Variants in CALN1 observed in about 807,000 individuals in gnomAD.
CALN1 encodes calneuron 1, also known as calcium-binding protein 8.
Under a neutral mutation model 30.6 loss-of-function variants are expected in CALN1, and 17 were observed. The observed-to-expected ratio is 0.56, with a 90% CI of 0.38 to 0.83. The LOEUF (loss-of-function observed/expected upper bound fraction) is 0.83, where lower values mean the gene tolerates loss of function less well. CALN1 is among the 40% of genes least tolerant of loss of function. The pLI is 0.00. For missense variants in CALN1, 291 were observed against 354.9 expected (o/e 0.82, Z 1.45); for synonymous variants, 156 against 131.4 (o/e 1.19, Z -1.28).
In CALN1 at chr7:71,913,075, C is replaced by T. The variant is rs529923564; in HGVS notation, c.502-102583G>A. On this transcript the variant is annotated intron_variant, in intron 5 of 6. Transcript: ENST00000395275. ...ATGAGCTGCGAGTGTTTATCTACTT[C>T]GTCAACTTTAATAGGAAAAGAACAA... Among the ~76,000 whole-genome samples the T allele has an allele frequency of 6.6e-5, 10 of 152,240 alleles. 1 individual carries two copies. The South Asian group carries it at 1.2e-3, about 19-fold the overall frequency.
chr7:71,999,581 T>C (rs1401225018), intron 5 of CALN1, among the ~76,000 whole-genome samples: 1 of 152,022 alleles, frequency 6.6e-6, no homozygotes, highest in African/African-American at 2.4e-5. Flanking sequence ...TGGCATAATC[T>C]TGGCTCACTT....
At chr7:72,341,478 G>C (rs1242550393) in intron 2 of CALN1, among the ~76,000 whole-genome samples, 1 of 152,194 alleles carries the variant, frequency 6.6e-6, no homozygotes, top group Non-Finnish European at 1.5e-5. Context: ...AGCCGAGATT[G>C]TGCTACTGCA....
intron 3 of CALN1, among the ~76,000 whole-genome samples, chr7:72,165,628 G>T (rs535513644): frequency 6.6e-6 from 1 of 152,084 alleles, no homozygotes; most frequent in African/African-American, 2.4e-5. Context: ...ACAAAGAAAA[G>T]CGAAAATGGG....
intron 5 of CALN1, among the ~76,000 whole-genome samples, chr7:71,824,089 G>C (rs1220179367): frequency 6.6e-6 from 1 of 152,074 alleles, no homozygotes; most frequent in Non-Finnish European, 1.5e-5. Context: ...CATATCATGG[G>C]TGTCTCACTA....
At chr7:72,344,668 ATTT>A (rs1802538663) in intron 2 of CALN1, among the ~76,000 whole-genome samples, 1 of 146,872 alleles carries the variant, frequency 6.8e-6, no homozygotes, top group African/African-American at 2.5e-5. Context: ...ATAAATATAT[ATTT>A]TATTTATGTA....
chr7:71,932,693 T>TCCCAA lies in CALN1; in HGVS notation c.501+90963_501+90964insTTGGG, dbSNP rs1164601892. ...TTAGCTGGGCGTGGTGGCGGGCACC[T>TCCCAA]GTAGTCCAGCTACTCGGGAGGCTGA... On this transcript the variant is annotated intron_variant, in intron 5 of 6. Coordinates refer to ENST00000395275, the MANE Select transcript of CALN1 (RefSeq NM_031468.4). Among the ~76,000 whole-genome samples the TCCCAA allele has an allele frequency of 4.2e-4, 63 of 151,250 alleles. 2 individuals carry two copies. Among genetic ancestry groups the TCCCAA allele is most frequent in the Non-Finnish European group, 1.3e-4 (9 of 67,880 alleles).
intron 5 of CALN1, among the ~76,000 whole-genome samples, chr7:72,008,174 AATGG>A (rs1799878063): frequency 6.6e-6 from 1 of 152,222 alleles, no homozygotes. Flanking sequence ...AGACACAATA[AATGG>A]ATACAATAAA....
chr7:71,849,189 G>A (rs1192852961), intron 5 of CALN1, among the ~76,000 whole-genome samples: 1 of 152,134 alleles, frequency 6.6e-6, no homozygotes, highest in Non-Finnish European at 1.5e-5. Context: ...TGCTGGGTGA[G>A]CATGTAGCTT....
chr7:72,155,811 G>T (rs1223177353), intron 3 of CALN1, among the ~76,000 whole-genome samples: 1 of 152,112 alleles, frequency 6.6e-6, no homozygotes, highest in East Asian at 1.9e-4. Context: ...AAAGCAAGGT[G>T]GTAGCTGGGA....
At chr7:72,364,346 A>C (rs1803753420) in intron 2 of CALN1, among the ~76,000 whole-genome samples, 1 of 152,260 alleles carries the variant, frequency 6.6e-6, no homozygotes, top group African/African-American at 2.4e-5. Flanking sequence ...GGGAAGAACT[A>C]GCTCTACCTG....
intron 6 of CALN1, among the ~76,000 whole-genome samples, chr7:71,793,452 T>G (rs1299098111): frequency 6.6e-6 from 1 of 152,204 alleles, no homozygotes; most frequent in African/African-American, 2.4e-5. Flanking sequence ...ACGAATAGTG[T>G]GGCTAAGCAA....
chr7:72,063,418 G>C (rs1451024970), intron 4 of CALN1, among the ~76,000 whole-genome samples: 1 of 152,148 alleles, frequency 6.6e-6, no homozygotes, highest in Non-Finnish European at 1.5e-5. Context: ...GGACAGCCCT[G>C]GCTTTGCATA....
At chr7:72,024,346 T>C (rs753324088) in intron 4 of CALN1, among the ~76,000 whole-genome samples, 3 of 152,228 alleles carry the variant, frequency 2.0e-5, no homozygotes, top group Non-Finnish European at 4.4e-5. Flanking sequence ...TATGCAGTTC[T>C]GAGTTTAATT....
At chr7:71,963,353 A>G (rs1034185117) in intron 5 of CALN1, among the ~76,000 whole-genome samples, 18 of 147,648 alleles carry the variant, frequency 1.2e-4, no homozygotes, top group African/African-American at 2.7e-4. Context: ...AGTAGAGACA[A>G]GGTTTCACCA....
the CALN1 span, among the ~76,000 whole-genome samples, chr7:72,454,720 A>C: frequency 6.6e-6 from 1 of 152,046 alleles, no homozygotes; most frequent in African/African-American, 2.4e-5. Flanking sequence ...CCAGCACACC[A>C]CATCAAATGT....
chr7:72,182,769 T>TA (rs111446877), intron 3 of CALN1, among the ~76,000 whole-genome samples: 3,923 of 143,082 alleles, frequency 0.027, 173 homozygotes, highest in African/African-American at 0.089. Flanking sequence ...ACCAATGTTG[T>TA]AAAAAAAAAA....
rs1052566654 is a variant in CALN1 at position 71,940,685 on chromosome 7, C to T, written c.501+82972G>A. Among the ~76,000 whole-genome samples the T allele has an allele frequency of 1.5e-4, 23 of 152,244 alleles. No homozygotes were observed. In the Middle Eastern group the frequency reaches 0.01, roughly 68 times the overall value. The stretch of plus-strand genomic sequence containing the variant: ...GTGGCATGATCTCAGCTCATTGCAA[C>T]CTCCACCTCCAGGGCTCAAGCGATC... On this transcript the variant is annotated intron_variant, in intron 5 of 6. Transcript: ENST00000395275.
intron 3 of CALN1, among the ~76,000 whole-genome samples, chr7:72,127,367 G>T (rs1372333227): frequency 6.6e-6 from 1 of 152,140 alleles, no homozygotes; most frequent in Non-Finnish European, 1.5e-5. Flanking sequence ...AAGAGGGAAT[G>T]GGTGGGAAGG....
intron 5 of CALN1, among the ~76,000 whole-genome samples, chr7:72,010,658 A>G (rs2129529193): frequency 6.6e-6 from 1 of 152,066 alleles, no homozygotes; most frequent in Middle Eastern, 3.4e-3. Flanking sequence ...CTAAAAATAC[A>G]AAAATTAGCC....
Sources: gnomAD v4.1 joint callset for allele counts (sites outside exome capture counted in the v4.1 genomes callset) on GRCh38, gnomAD v4.1.1 for gene constraint, MANE v1.5 for transcripts, NCBI Gene and HGNC (gene_info 2026-07-23, HGNC 2026-07-21) for gene names.